The following ZNF782 variants were observed in gnomAD, a reference collection of about 807,000 sequenced individuals.
ZNF782 encodes zinc finger protein 782.
A neutral mutation model predicts 13.0 loss-of-function variants in ZNF782; 12 were observed. That is an observed-to-expected ratio of 0.92 (90% confidence interval 0.59 to 1.50). The LOEUF is 1.50. Ranked by LOEUF, ZNF782 falls within the 40% of genes most tolerant of loss-of-function variation. ZNF782 has a pLI of 0.00. For missense variants in ZNF782, 770 were observed against 822.9 expected (o/e 0.94, Z 0.79); for synonymous variants, 284 against 283.0 (o/e 1.00, Z -0.04).
rs1434366534 is a variant in ZNF782 at position 96,853,983 on chromosome 9, C to T, written c.-262+105G>A. ...GTGACTTAAAGTTTTAAACCAACGC[C>T]ATGAAGCAGTCATTATTAATACCCT... is the stretch of plus-strand genomic sequence containing the variant. On this transcript the variant is annotated intron_variant, in intron 1 of 5. Coordinates refer to ENST00000481138, the MANE Select transcript of ZNF782 (RefSeq NM_001001662.3). 3.3e-5 allele frequency: 5 copies of T among 152,282 alleles called. No homozygotes were observed. In the East Asian group the frequency reaches 7.7e-4, roughly 23 times the overall value. 9.4% of individuals were successfully genotyped at this position (152,282 alleles called of 1,614,324 possible). A position where few individuals can be genotyped will look rare whatever the true frequency, so the allele number is the denominator to read the frequency against.
In ZNF782 at chr9:96,851,795, G is replaced by A. The variant is rs147976246; in HGVS notation, c.15+152C>T. 3.6e-3 allele frequency: 2,787 copies of A among 778,678 alleles called. 63 individuals carry two copies. The African/African-American group carries it at 0.043, about 12-fold the overall frequency. 48.2% of individuals were successfully genotyped at this position (778,678 alleles called of 1,614,324 possible). On this transcript the variant is annotated intron_variant, in intron 3 of 5. Transcript: ENST00000481138. ...TAACTGGAGGGAACCTACTAACCCT[G>A]ACAAAGCTGACAGCAGAGTTCATGG...
At chr9:96,919,151 A>G in the ZNF782 span, 1 of 150,842 alleles carries the variant, frequency 6.6e-6, no homozygotes, top group South Asian at 2.3e-4. Flanking sequence ...TGAACTTTTC[A>G]GGTCCCAGCT....
chr9:96,930,871 GGTTT>G, the ZNF782 span, among the ~76,000 whole-genome samples: 1 of 104,404 alleles, frequency 9.6e-6, no homozygotes, highest in African/African-American at 3.7e-5. Flanking sequence ...TCCATCCAGT[GGTTT>G]TTTTTTTTTT....
chr9:96,819,027 A>G lies in ZNF782; in HGVS notation c.996T>C (p.His332=). The G allele has an allele frequency of 6.2e-7, 1 of 1,614,154 alleles. No individual in the cohort carries two copies. ...GATAATCAGAGTATTTATCTGTTGC[A>G]TGAGTTCTCTGATGCACTGGGAGGG... ...NSTLPVHQRT[H]ATDKYSDYHP... is the part of the protein sequence containing the mutation. Residue 332 remains histidine (H), a synonymous_variant, in exon 6 of 6, where the codon CAT becomes CAC. Transcript: ENST00000481138.
At chr9:96,856,016 ATGTT>A (rs1330113827), upstream of ZNF782, among the ~76,000 whole-genome samples, 1 of 151,804 alleles carries the variant, frequency 6.6e-6, no homozygotes, top group Non-Finnish European at 1.5e-5. Context: ...ATTTTTTCAT[ATGTT>A]TGTTGGCCAT....
At chr9:96,901,270 CTTT>C in the ZNF782 span, among the ~76,000 whole-genome samples, 1 of 126,908 alleles carries the variant, frequency 7.9e-6, no homozygotes, top group African/African-American at 3.1e-5. Flanking sequence ...TGAAAAAAAA[CTTT>C]TTTTTTTTTT....
chr9:96,910,204 T>C, the ZNF782 span: 4 of 773,658 alleles, frequency 5.2e-6, no homozygotes, highest in East Asian at 3.3e-5. Flanking sequence ...ATGAGGAAAA[T>C]GGGGAGCAGG....
At chr9:96,930,882 T>G in the ZNF782 span, among the ~76,000 whole-genome samples, 67 of 65,594 alleles carry the variant, frequency 1.0e-3, no homozygotes, top group Non-Finnish European at 1.5e-3. Flanking sequence ...GTTTTTTTTT[T>G]TTTTTTTTTT....
At chr9:96,900,162 A>G in the ZNF782 span, among the ~76,000 whole-genome samples, 1 of 151,280 alleles carries the variant, frequency 6.6e-6, no homozygotes, top group African/African-American at 2.4e-5. Flanking sequence ...ATATTGGTTA[A>G]GCTCACAGAG....
At chr9:96,888,018 T>G in the ZNF782 span, 1 of 76,632 alleles carries the variant, frequency 1.3e-5, no homozygotes, top group Non-Finnish European at 2.3e-5. Context: ...GGGCCTGTTG[T>G]GGGGTGGGGG....
At chr9:96,899,247 T>C in the ZNF782 span, among the ~76,000 whole-genome samples, 9 of 151,372 alleles carry the variant, frequency 5.9e-5, no homozygotes, top group Non-Finnish European at 1.3e-4. Flanking sequence ...TGAGACTCCA[T>C]CTCAAAAAAA....
intron 1 of ZNF782, among the ~76,000 whole-genome samples, chr9:96,870,514 A>G (rs1056509709): frequency 6.6e-6 from 1 of 152,216 alleles, no homozygotes; most frequent in African/African-American, 2.4e-5. Context: ...CTAGGATTGC[A>G]CTTCATAGAA....
At chr9:96,926,606 C>T in the ZNF782 span, among the ~76,000 whole-genome samples, 5 of 151,040 alleles carry the variant, frequency 3.3e-5, no homozygotes, top group Non-Finnish European at 7.4e-5. Context: ...TAGAAATGCT[C>T]GCTGGACCAT....
the ZNF782 span, among the ~76,000 whole-genome samples, chr9:96,880,640 C>T: frequency 5.7e-3 from 862 of 152,240 alleles, 7 homozygotes; most frequent in African/African-American, 0.02. Flanking sequence ...ATAAACCACA[C>T]CTAGTTGTAG....
At chr9:96,930,813 TGTTATGG>T in the ZNF782 span, among the ~76,000 whole-genome samples, 3 of 149,658 alleles carry the variant, frequency 2.0e-5, no homozygotes, top group Non-Finnish European at 2.9e-5. Flanking sequence ...GGGCGTTATG[TGTTATGG>T]GTTATCTTCA....
chr9:96,819,512 A>AT lies in ZNF782; in HGVS notation c.510dup (p.Trp171MetfsTer6), dbSNP rs1563993238. The stretch of plus-strand genomic sequence containing the variant: ...CTGCCATCCTTAATACTGATGAGCC[A>AT]TTTGTCACAAACATTACGCTCATGA... On this transcript the variant is annotated frameshift_variant, in exon 6 of 6. Transcript: ENST00000481138. LOFTEE classifies it low-confidence loss of function (END_TRUNC). 6.2e-7 allele frequency: 1 copy of AT among 1,613,298 alleles called. No homozygotes were observed. Among genetic ancestry groups the AT allele is most frequent in the Middle Eastern group, 1.7e-4 (1 of 6,058 alleles).
intron 1 of ZNF782, among the ~76,000 whole-genome samples, chr9:96,862,649 T>C (rs763060995): frequency 6.6e-5 from 10 of 152,212 alleles, no homozygotes; most frequent in Non-Finnish European, 1.3e-4. Flanking sequence ...TTGCTAATAG[T>C]ATATAAACTG....
the ZNF782 span, among the ~76,000 whole-genome samples, chr9:96,886,878 C>T: frequency 1.6e-4 from 23 of 144,654 alleles, no homozygotes; most frequent in African/African-American, 4.9e-4. Context: ...AGCCAGGATG[C>T]GTCACTGCAC....
rs777741593 is a variant in ZNF782, at chr9:96,818,121, T to C, written c.1902A>G (p.Arg634=). The change falls in exon 6 of 6, where the codon AGA becomes AGG. Residue 634 remains arginine (R), a synonymous_variant. Transcript: ENST00000481138. ...GKAFSEKSVL[R]KHQRTHTGEK... is the part of the protein sequence containing the mutation. ...CCCCGGTGTGAGTTCGCTGATGTTT[T>C]CTTAGGACTGACTTCTCACTGAAAG... 1 of 1,613,958 alleles carries C rather than the reference T, an allele frequency of 6.2e-7. No homozygotes were observed. Among genetic ancestry groups the C allele is most frequent in the East Asian group, 2.2e-5 (1 of 44,844 alleles).
Sources: gnomAD v4.1 joint callset for allele counts (sites outside exome capture counted in the v4.1 genomes callset) on GRCh38, gnomAD v4.1.1 for gene constraint, MANE v1.5 for transcripts, NCBI Gene and HGNC (gene_info 2026-07-23, HGNC 2026-07-21) for gene names.